WDR7: variants seen among roughly 807,000 people sequenced by gnomAD.
The protein encoded by WDR7 is WD repeat domain 7, also known as WD repeat-containing protein 7.
WDR7 carries 46 observed loss-of-function variants against 169.4 expected under a neutral mutation model. That is an observed-to-expected ratio of 0.27 (90% CI 0.21 to 0.35). The LOEUF is 0.35. WDR7 is among the 10% of genes least tolerant of loss of function. The pLI is 1.00. For missense variants in WDR7, 1,534 were observed against 1,859.3 expected (o/e 0.83, Z 3.22); for synonymous variants, 612 against 666.8 (o/e 0.92, Z 1.27).
At chr18:56,931,286 C>A (rs946274574) in intron 22 of WDR7, among the ~76,000 whole-genome samples, 1 of 152,184 alleles carries the variant, frequency 6.6e-6, no homozygotes, top group African/African-American at 2.4e-5. Context: ...AATTTCAAAC[C>A]TCTGATAGTA....
chr18:57,008,747 T>C (rs1280314905), intron 26 of WDR7, among the ~76,000 whole-genome samples: 1 of 152,250 alleles, frequency 6.6e-6, no homozygotes, highest in Non-Finnish European at 1.5e-5. Flanking sequence ...TATTACGCTG[T>C]TGATTGCACC....
chr18:56,901,766 G>A (rs141833032), intron 21 of WDR7, among the ~76,000 whole-genome samples: 289 of 152,072 alleles, frequency 1.9e-3, no homozygotes, highest in African/African-American at 6.6e-3. Context: ...CAGTCCCAGT[G>A]GTCATTACAA....
chr18:56,918,484 G>C (rs1039028042), intron 21 of WDR7, among the ~76,000 whole-genome samples: 1 of 151,956 alleles, frequency 6.6e-6, no homozygotes, highest in Non-Finnish European at 1.5e-5. Context: ...AAATGTGAGG[G>C]CATGTATTAG....
In WDR7 at chr18:56,714,158, T is replaced by G. The variant is rs1037053944; in HGVS notation, c.1579-3806T>G. 2.6e-5 allele frequency among the ~76,000 whole-genome samples: 4 copies of G among 152,182 alleles called. No homozygotes were observed. In the East Asian group the frequency reaches 5.8e-4, roughly 22 times the overall value. ...TTTACTATATTGGGTCATTTCCACT[T>G]CAGGCCAGTTTTCTTTATATGAGTT... On this transcript the variant is annotated intron_variant, in intron 12 of 27. Transcript: ENST00000254442.
intron 14 of WDR7, among the ~76,000 whole-genome samples, chr18:56,744,915 A>T (rs142784289): frequency 1.7e-3 from 260 of 152,290 alleles, no homozygotes; most frequent in African/African-American, 5.9e-3. Context: ...GACAGGACCC[A>T]GTGTGCATGG....
intron 21 of WDR7, among the ~76,000 whole-genome samples, chr18:56,902,837 A>G (rs557748752): frequency 6.6e-6 from 1 of 152,332 alleles, no homozygotes; most frequent in Non-Finnish European, 1.5e-5. Flanking sequence ...CTGCAGCAGC[A>G]TAAGGAAGGT....
intron 22 of WDR7, among the ~76,000 whole-genome samples, chr18:56,930,552 C>A (rs1023474805): frequency 6.6e-6 from 1 of 152,098 alleles, no homozygotes; most frequent in Non-Finnish European, 1.5e-5. Context: ...GGAATTGCCA[C>A]CTTTGGGTTT....
intron 12 of WDR7, among the ~76,000 whole-genome samples, chr18:56,705,437 T>C (rs2025927189): frequency 6.6e-6 from 1 of 152,058 alleles, no homozygotes; most frequent in African/African-American, 2.4e-5. Flanking sequence ...GAAGTCTACT[T>C]TGGGTGATTT....
chr18:56,802,120 A>G (rs1266304571), intron 19 of WDR7, among the ~76,000 whole-genome samples: 1 of 152,092 alleles, frequency 6.6e-6, no homozygotes, highest in African/African-American at 2.4e-5. Flanking sequence ...AGCATCTCAT[A>G]TTGTTAGTAT....
At chr18:56,817,604 T>C (rs1244079484) in intron 20 of WDR7, among the ~76,000 whole-genome samples, 3 of 152,158 alleles carry the variant, frequency 2.0e-5, no homozygotes, top group Admixed American at 6.5e-5. Flanking sequence ...TTCTTTTTAG[T>C]GTGTAAGTTC....
intron 20 of WDR7, among the ~76,000 whole-genome samples, chr18:56,826,897 A>G (rs572896831): frequency 2.0e-5 from 3 of 152,314 alleles, no homozygotes; most frequent in African/African-American, 4.8e-5. Flanking sequence ...AGCACATTCT[A>G]TGGGGGATTT....
rs374373178 is a variant in WDR7, at chr18:56,988,479, T to C, written c.4164+25950T>C. Among the ~76,000 whole-genome samples the C allele has an allele frequency of 1.3e-3, 196 of 152,302 alleles. 1 individual carries two copies. The highest frequency in any genetic ancestry group is 2.2e-3 in the Non-Finnish European group (151 of 68,014). Reference sequence around the variant, plus strand: ...GCCAAAGTTTAAACCCATAAGCTTTTATTTTATTGTTTAAGTGGTATCAGT... The same window carrying C: ...GCCAAAGTTTAAACCCATAAGCTTTCATTTTATTGTTTAAGTGGTATCAGT... On this transcript the variant is annotated intron_variant, in intron 26 of 27. Coordinates refer to ENST00000254442, the MANE Select transcript of WDR7 (RefSeq NM_015285.3).
intron 25 of WDR7, among the ~76,000 whole-genome samples, chr18:56,953,495 T>C (rs1035953794): frequency 2.0e-5 from 3 of 152,262 alleles, no homozygotes; most frequent in African/African-American, 7.2e-5. Context: ...TTTTAAGCAC[T>C]TGTGTGACTT....
Position 57,020,782 on chromosome 18 carries a change from C to G in WDR7, c.4202C>G (p.Ala1401Gly). The G allele has an allele frequency of 6.2e-7, 1 of 1,614,214 alleles. No homozygotes were observed. Among genetic ancestry groups the G allele is most frequent in the African/African-American group, 1.3e-5 (1 of 75,058 alleles). The part of the protein sequence containing the change: ...HGHKGPITAV[A>G]FAPDGRYLAT... ...CACAAGGGACCAATCACTGCAGTGG[C>G]TTTTGCTCCTGATGGAAGATATCTT... Residue 1401 changes from alanine (A) to glycine (G), a missense_variant, in exon 27 of 28, where the codon GCT becomes GGT. Coordinates refer to ENST00000254442, the MANE Select transcript of WDR7 (RefSeq NM_015285.3).
intron 13 of WDR7, among the ~76,000 whole-genome samples, chr18:56,724,626 AT>A (rs200636999): frequency 6.6e-6 from 1 of 150,718 alleles, no homozygotes; most frequent in East Asian, 1.9e-4. Flanking sequence ...ACACAGTTAA[AT>A]TTTTTTTACC....
At chr18:56,981,448 C>T (rs1288312036) in intron 26 of WDR7, among the ~76,000 whole-genome samples, 2 of 151,986 alleles carry the variant, frequency 1.3e-5, no homozygotes, top group South Asian at 2.1e-4. Context: ...ATATCATTGG[C>T]TTGTTGATGT....
intron 19 of WDR7, 58 bp downstream of exon 19, chr18:56,781,714 G>T: frequency 7.0e-7 from 1 of 1,427,324 alleles, no homozygotes; most frequent in African/African-American, 1.5e-5. Flanking sequence ...AAAGGTACCT[G>T]TACTCACAAA....
intron 25 of WDR7, among the ~76,000 whole-genome samples, chr18:56,949,819 TCTC>T (rs1318346679): frequency 6.6e-6 from 1 of 152,204 alleles, no homozygotes; most frequent in Non-Finnish European, 1.5e-5. Context: ...TTATGTTGTC[TCTC>T]CATATATGGT....
In WDR7 at chr18:56,758,001, T is replaced by G. The variant is rs531563240; in HGVS notation, c.2759+649T>G. Among the ~76,000 whole-genome samples the G allele has an allele frequency of 3.3e-5, 5 of 150,566 alleles. No individual in the cohort carries two copies. In the South Asian group the frequency reaches 1.0e-3, roughly 31 times the overall value. ...AAAAAATGTATATTTCATTAAATGC[T>G]TCTTCTCATTGTAACATATGTAATG... is the stretch of plus-strand genomic sequence containing the variant. On this transcript the variant is annotated intron_variant, in intron 15 of 27. Coordinates refer to ENST00000254442, the MANE Select transcript of WDR7 (RefSeq NM_015285.3).
Sources: gnomAD v4.1 joint callset for allele counts (sites outside exome capture counted in the v4.1 genomes callset) on GRCh38, gnomAD v4.1.1 for gene constraint, MANE v1.5 for transcripts, NCBI Gene and HGNC (gene_info 2026-07-23, HGNC 2026-07-21) for gene names.